RYR2: variants seen among roughly 807,000 people sequenced by gnomAD.
RYR2 encodes cardiac muscle ryanodine receptor-calcium release channel.
Under a neutral mutation model 601.1 loss-of-function variants are expected in RYR2, and 227 were observed. The ratio of observed to expected loss-of-function variants is 0.38; its 90% confidence interval spans 0.34 to 0.42. The LOEUF is 0.42. Among genes scored for constraint, RYR2 ranks in the 10% least tolerant of loss-of-function variants. RYR2 has a pLI of 1.00. For missense variants in RYR2, 4,646 were observed against 6,156.5 expected (o/e 0.75, Z 8.21); for synonymous variants, 2,223 against 2,175.1 (o/e 1.02, Z -0.61).
chr1:237,366,853 G>A (rs1056250154), intron 5 of RYR2, among the ~76,000 whole-genome samples: 4 of 152,068 alleles, frequency 2.6e-5, no homozygotes, highest in African/African-American at 7.2e-5. Context: ...AGTTCACGTG[G>A]ATTTTATAGC....
At chr1:237,727,351 G>A (rs909741687) in intron 76 of RYR2, among the ~76,000 whole-genome samples, 152 bp downstream of exon 76, 3 of 152,120 alleles carry the variant, frequency 2.0e-5, no homozygotes, top group African/African-American at 7.2e-5. Flanking sequence ...GACTAATTTT[G>A]TTGGATATTT....
chr1:237,403,219 C>T (rs573274506), intron 10 of RYR2, among the ~76,000 whole-genome samples: 1 of 152,238 alleles, frequency 6.6e-6, no homozygotes, highest in South Asian at 2.1e-4. Context: ...AATCAGATCA[C>T]AGGTATGCAC....
intron 27 of RYR2, among the ~76,000 whole-genome samples, chr1:237,565,141 TTTTC>T (rs1289697431): frequency 8.4e-5 from 4 of 47,516 alleles, no homozygotes; most frequent in African/African-American, 2.4e-4. Flanking sequence ...CTTTCTTTCT[TTTTC>T]TTTCTTTCTT....
intron 1 of RYR2, among the ~76,000 whole-genome samples, chr1:237,149,298 A>AAAAC (rs1381913387): frequency 7.4e-6 from 1 of 134,656 alleles, no homozygotes; most frequent in African/African-American, 2.5e-5. Context: ...GTCTCTACAA[A>AAAAC]AAACAAACAA....
At chr1:237,331,031 A>G (rs780063098) in intron 3 of RYR2, 49 bp downstream of exon 3, 2 of 1,419,202 alleles carry the variant, frequency 1.4e-6, no homozygotes, top group South Asian at 2.3e-5. Flanking sequence ...GAGCTCAGCT[A>G]CTATAGGAAC....
chr1:237,625,165 G>C (rs1291794242), intron 39 of RYR2, among the ~76,000 whole-genome samples: 2 of 151,650 alleles, frequency 1.3e-5, no homozygotes, highest in Non-Finnish European at 2.9e-5. Context: ...TAGAATTACT[G>C]CTTCAGATAT....
chr1:237,205,984 C>T (rs637520), intron 1 of RYR2, among the ~76,000 whole-genome samples: 65,401 of 152,144 alleles, frequency 0.43, 14,840 homozygotes, highest in Admixed American at 0.51. Context: ...GAAGTTCCAG[C>T]GGGAGATCCT....
chr1:237,755,291 T>C (rs1692858364), intron 80 of RYR2, among the ~76,000 whole-genome samples: 1 of 152,200 alleles, frequency 6.6e-6, no homozygotes, highest in South Asian at 2.1e-4. Context: ...TTTTCTGTAT[T>C]TTGGATGGAA....
intron 1 of RYR2, among the ~76,000 whole-genome samples, chr1:237,065,894 T>C (rs1037888116): frequency 1.6e-4 from 24 of 152,072 alleles, no homozygotes; most frequent in Non-Finnish European, 2.9e-4. Flanking sequence ...CAGGAGGAAG[T>C]GTGGGGAAGG....
chr1:237,450,584 G>C (rs1034807949), intron 14 of RYR2, among the ~76,000 whole-genome samples: 12 of 152,104 alleles, frequency 7.9e-5, no homozygotes, highest in African/African-American at 2.7e-4. Flanking sequence ...ATCCTGCCCT[G>C]TCACTTTGTC....
At chr1:237,362,307 A>G (rs954554911) in intron 4 of RYR2, among the ~76,000 whole-genome samples, 4 of 152,202 alleles carry the variant, frequency 2.6e-5, no homozygotes, top group Admixed American at 2.6e-4. Flanking sequence ...CCATATAGTC[A>G]TCCCTTACTC....
At chr1:237,398,679 G>T (rs1703072705) in intron 10 of RYR2, among the ~76,000 whole-genome samples, 1 of 152,102 alleles carries the variant, frequency 6.6e-6, no homozygotes, top group Non-Finnish European at 1.5e-5. Context: ...AAAACATTTT[G>T]GCAGTTTCTT....
At chr1:237,077,692 C>A (rs1429959167) in intron 1 of RYR2, among the ~76,000 whole-genome samples, 4 of 150,434 alleles carry the variant, frequency 2.7e-5, no homozygotes, top group East Asian at 2.0e-4. Flanking sequence ...CTTTAACACC[C>A]CACTGTCAAC....
At chr1:237,690,738 C>T (rs993327513) in intron 63 of RYR2, among the ~76,000 whole-genome samples, 10 of 152,110 alleles carry the variant, frequency 6.6e-5, no homozygotes, top group African/African-American at 1.4e-4. Flanking sequence ...TGGCATACAC[C>T]TTTGGTCCCA....
chr1:237,072,958 A>AC (rs1418106113), intron 1 of RYR2, among the ~76,000 whole-genome samples: 35 of 151,002 alleles, frequency 2.3e-4, no homozygotes, highest in East Asian at 1.4e-3. Flanking sequence ...AAAAAAAAAA[A>AC]AAAAAACAAA....
intron 101 of RYR2, among the ~76,000 whole-genome samples, chr1:237,827,488 G>A (rs1663232944): frequency 6.6e-6 from 1 of 151,922 alleles, no homozygotes; most frequent in Non-Finnish European, 1.5e-5. Flanking sequence ...AAATTATCAG[G>A]GTGTGGTGGT....
chr1:237,789,160 G>C (rs1339321530), intron 92 of RYR2, among the ~76,000 whole-genome samples: 1 of 151,936 alleles, frequency 6.6e-6, no homozygotes, highest in Non-Finnish European at 1.5e-5. Context: ...TAGAATTTAA[G>C]AACAACAACC....
intron 13 of RYR2, among the ~76,000 whole-genome samples, chr1:237,444,079 A>C (rs1708131354): frequency 6.6e-6 from 1 of 152,162 alleles, no homozygotes; most frequent in Non-Finnish European, 1.5e-5. Context: ...ATGGAGTTGC[A>C]CACAGTATTG....
chr1:237,377,125 G>A (rs1701103640), intron 7 of RYR2, among the ~76,000 whole-genome samples, 198 bp from the exon 8 acceptor site: 1 of 152,202 alleles, frequency 6.6e-6, no homozygotes, highest in South Asian at 2.1e-4. Flanking sequence ...CCTTCCCTAA[G>A]TGTCACACCC....
Sources: allele counts gnomAD v4.1 joint callset (sites outside exome capture counted in the v4.1 genomes callset), GRCh38; gene constraint gnomAD v4.1.1; transcripts MANE v1.5; gene names NCBI Gene and HGNC (gene_info 2026-07-23, HGNC 2026-07-21).